The following AKIRIN2 variants were observed in gnomAD, a reference collection of about 807,000 sequenced individuals.
AKIRIN2 encodes akirin-2.
AKIRIN2 carries 6 observed loss-of-function variants against 29.3 expected under a neutral mutation model. The ratio of observed to expected loss-of-function variants is 0.20; its 90% CI spans 0.11 to 0.40. The LOEUF (loss-of-function observed/expected upper bound fraction) is 0.40, where lower values mean the gene tolerates loss of function less well. Among genes scored for constraint, AKIRIN2 ranks in the 10% least tolerant of loss-of-function variants. AKIRIN2 has a pLI of 1.00. For synonymous variants in AKIRIN2, 128 were observed against 117.5 expected (o/e 1.09, Z -0.58); for missense variants, 210 against 276.1 (o/e 0.76, Z 1.70).
intron 1 of AKIRIN2, among the ~76,000 whole-genome samples, chr6:87,698,493 C>T (rs918956198): frequency 6.6e-6 from 1 of 151,938 alleles, no homozygotes; most frequent in Non-Finnish European, 1.5e-5. Context: ...GATTCTTTTC[C>T]AACCATTTAA....
chr6:87,688,877 A>G (rs1210177442), intron 1 of AKIRIN2, among the ~76,000 whole-genome samples: 1 of 152,232 alleles, frequency 6.6e-6, no homozygotes, highest in African/African-American at 2.4e-5. Flanking sequence ...TTCTATTCCA[A>G]TTAACCACAG....
chr6:87,689,777 G>C (rs951774417), intron 1 of AKIRIN2, among the ~76,000 whole-genome samples: 2 of 152,182 alleles, frequency 1.3e-5, no homozygotes, highest in Non-Finnish European at 2.9e-5. Context: ...ACTCTGAAGG[G>C]TGGAGCTTAA....
intron 1 of AKIRIN2, among the ~76,000 whole-genome samples, chr6:87,685,579 A>G (rs1399365344): frequency 1.3e-5 from 2 of 152,212 alleles, no homozygotes; most frequent in Non-Finnish European, 2.9e-5. Context: ...CTTCACTTGT[A>G]TTATCAGTTG....
chr6:87,681,557 A>G (rs561882457), intron 2 of AKIRIN2, 63 bp downstream of exon 2: 2 of 1,505,060 alleles, frequency 1.3e-6, no homozygotes, highest in African/African-American at 2.8e-5. Context: ...ACTAAAGACA[A>G]CTTGGATTAG....
intron 1 of AKIRIN2, among the ~76,000 whole-genome samples, chr6:87,689,276 T>A (rs1035641471): frequency 6.6e-6 from 1 of 151,890 alleles, no homozygotes; most frequent in African/African-American, 2.4e-5. Flanking sequence ...CCGAGGCGGG[T>A]GGATCACCTG....
intron 3 of AKIRIN2, among the ~76,000 whole-genome samples, chr6:87,677,031 T>C (rs1401580357): frequency 6.8e-6 from 1 of 147,066 alleles, no homozygotes; most frequent in African/African-American, 2.5e-5. Context: ...GAGCCAAGAC[T>C]GCGCCACTGC....
chr6:87,692,987 G>A (rs1194541980), intron 1 of AKIRIN2, among the ~76,000 whole-genome samples: 3 of 152,140 alleles, frequency 2.0e-5, no homozygotes, highest in Non-Finnish European at 4.4e-5. Flanking sequence ...CCAGCACTTT[G>A]GGAGGCTGTG....
intron 1 of AKIRIN2, among the ~76,000 whole-genome samples, chr6:87,689,273 G>A (rs775237692): frequency 2.1e-4 from 32 of 152,124 alleles, no homozygotes; most frequent in Non-Finnish European, 3.8e-4. Flanking sequence ...AAGCCGAGGC[G>A]GGTGGATCAC....
chr6:87,678,984 A>T (rs1771072836), intron 2 of AKIRIN2, among the ~76,000 whole-genome samples: 1 of 152,018 alleles, frequency 6.6e-6, no homozygotes, highest in African/African-American at 2.4e-5. Context: ...AAAAATACAA[A>T]ATTAGCCAGG....
chr6:87,680,824 C>T (rs1343474971), intron 2 of AKIRIN2, among the ~76,000 whole-genome samples: 9 of 130,356 alleles, frequency 6.9e-5, no homozygotes, highest in African/African-American at 2.3e-4. Flanking sequence ...TTCCCCCCAA[C>T]AAAAAGTAGG....
chr6:87,675,420 G>T lies in AKIRIN2; in HGVS notation c.*177C>A. On this transcript the variant is annotated 3_prime_UTR_variant, in exon 5 of 5. Coordinates refer to ENST00000257787, the MANE Select transcript of AKIRIN2 (RefSeq NM_018064.4). ...CAAAGGTCCACATCCAGGTGGTACT[G>T]ACATCAGGGAAATTTCCAAAACCAG... The T allele has an allele frequency of 1.3e-6, 1 of 750,202 alleles. No individual in the cohort carries two copies. Among genetic ancestry groups the T allele is most frequent in the Non-Finnish European group, 2.3e-6 (1 of 440,598 alleles). The allele number at this position is 750,202 out of a possible 1,614,324, so 46.5% of individuals were successfully genotyped here.
intron 2 of AKIRIN2, 95 bp downstream of exon 2, chr6:87,681,525 A>C: frequency 8.1e-7 from 1 of 1,227,138 alleles, no homozygotes; most frequent in Non-Finnish European, 1.1e-6. Context: ...TAAAACTCAG[A>C]GGAGATACAG....
chr6:87,679,665 C>T (rs968948627), intron 2 of AKIRIN2, among the ~76,000 whole-genome samples: 2 of 125,894 alleles, frequency 1.6e-5, no homozygotes, highest in African/African-American at 6.3e-5. Flanking sequence ...ATGCTCAAAA[C>T]TCTATACCAT....
chr6:87,681,613 T>G lies in AKIRIN2; in HGVS notation c.379+7A>C. 1.3e-6 allele frequency: 2 copies of G among 1,598,658 alleles called. No homozygotes were observed. The highest frequency in any genetic ancestry group is 1.7e-6 in the Non-Finnish European group (2 of 1,176,188). ...TAAACTTTGTAAATGACAAGAAATG[T>G]TATTACCTGGTGAAGCTGGTCCACT... is the stretch of plus-strand genomic sequence containing the variant. On this transcript the variant is annotated splice_region_variant and intron_variant, in intron 2 of 4. Coordinates refer to ENST00000257787, the MANE Select transcript of AKIRIN2 (RefSeq NM_018064.4).
intron 2 of AKIRIN2, among the ~76,000 whole-genome samples, chr6:87,680,771 C>G (rs1350562519): frequency 6.8e-5 from 6 of 87,748 alleles, no homozygotes; most frequent in South Asian, 7.1e-4. Flanking sequence ...CCGCCCCCCC[C>G]CTTTTTTTTT....
At chr6:87,679,766 T>C (rs1771088639) in intron 2 of AKIRIN2, among the ~76,000 whole-genome samples, 1 of 152,190 alleles carries the variant, frequency 6.6e-6, no homozygotes, top group Admixed American at 6.5e-5. Context: ...TTTTTATACC[T>C]ATTAGGATAT....
chr6:87,692,420 A>C (rs1210698243), intron 1 of AKIRIN2, among the ~76,000 whole-genome samples: 1 of 152,246 alleles, frequency 6.6e-6, no homozygotes, highest in Non-Finnish European at 1.5e-5. Context: ...TGGCAGAGCC[A>C]GGTTTGACCT....
chr6:87,676,284 G>A (rs187200673), intron 3 of AKIRIN2, among the ~76,000 whole-genome samples: 2,908 of 150,882 alleles, frequency 0.019, 87 homozygotes, highest in African/African-American at 0.067. Flanking sequence ...CTAACACGGT[G>A]AAACCCCATC....
At position 87,701,530 on chromosome 6, in the gene AKIRIN2, GAGA is replaced by G. The variant is rs769199002; in HGVS notation, c.152_154del (p.Phe51del). ...CTTCTGCGGCGAGGCGGCCGCAGCG[GAGA>G]AGGAGGCGGCGGTGGCCGCGGCCGC... On this transcript the variant is annotated inframe_deletion, in exon 1 of 5. Transcript: ENST00000257787. 2.4e-4 allele frequency: 349 copies of G among 1,437,452 alleles called. No homozygotes were observed. The African/African-American group carries it at 2.7e-3, about 11-fold the overall frequency. The allele number at this position is 1,437,452 out of a possible 1,614,324, so 89.0% of individuals were successfully genotyped here. A position where few individuals can be genotyped will look rare whatever the true frequency, so the allele number is the denominator to read the frequency against.
Sources: gnomAD v4.1 joint callset for allele counts (sites outside exome capture counted in the v4.1 genomes callset) on GRCh38, gnomAD v4.1.1 for gene constraint, MANE v1.5 for transcripts, NCBI Gene and HGNC (gene_info 2026-07-23, HGNC 2026-07-21) for gene names.